The following OR7C1 variants were observed in gnomAD, a reference collection of about 807,000 sequenced individuals.
OR7C1 encodes olfactory receptor 7C1.
For synonymous variants in OR7C1, 152 were observed against 160.7 expected (o/e 0.95, Z 0.41); for missense variants, 324 against 383.3 (o/e 0.85, Z 1.29).
intron 2 of OR7C1, among the ~76,000 whole-genome samples, chr19:14,805,201 C>T (rs564337457): frequency 6.6e-6 from 1 of 151,740 alleles, no homozygotes; most frequent in African/African-American, 2.4e-5. Flanking sequence ...CAAAGAAGGT[C>T]CCCAGTCTGT....
At chr19:14,808,083 G>A (rs2044674072) in intron 2 of OR7C1, among the ~76,000 whole-genome samples, 1 of 140,222 alleles carries the variant, frequency 7.1e-6, no homozygotes, top group Non-Finnish European at 1.5e-5. Context: ...CAGTCAGAAT[G>A]GTTATTTTAA....
At position 14,800,298 on chromosome 19, in the gene OR7C1, A is replaced by G. The variant is rs1232476624; in HGVS notation, c.-56T>C. The G allele has an allele frequency of 5.2e-6, 4 of 771,108 alleles. No individual in the cohort carries two copies. The African/African-American group carries it at 7.0e-5, about 14-fold the overall frequency. The allele number at this position is 771,108 out of a possible 1,614,324, so 47.8% of individuals were successfully genotyped here. ...TTTCTGGGGCATCTGAAATTCTTCC[A>G]TCCTTTTCTTTGCTACCATCGGGAT... is the stretch of plus-strand genomic sequence containing the variant. On this transcript the variant is annotated 5_prime_UTR_variant, in exon 4 of 5. It removes an upstream start codon present in the reference 5' UTR. Transcript: ENST00000641666.
At position 14,819,252 on chromosome 19, in the gene OR7C1, C is replaced by CA. The variant is rs1222763106; in HGVS notation, c.-622-9260dup. 2.6e-5 allele frequency among the ~76,000 whole-genome samples: 4 copies of CA among 152,094 alleles called. No homozygotes were observed. The South Asian group carries it at 6.2e-4, about 24-fold the overall frequency. ...ATGTGCCATGGTGGTTTGCTGCACCCATCAACCCATCACCTAGGTATTAAG... is the reference window on the plus strand; with the variant it reads ...ATGTGCCATGGTGGTTTGCTGCACCCAATCAACCCATCACCTAGGTATTAAG... On this transcript the variant is annotated intron_variant, in intron 1 of 4. Transcript: ENST00000641666.
At chr19:14,807,167 C>T (rs193241756) in intron 2 of OR7C1, among the ~76,000 whole-genome samples, 3 of 151,814 alleles carry the variant, frequency 2.0e-5, no homozygotes, top group Admixed American at 1.3e-4. Context: ...GTTTGTTGGC[C>T]GCATAAATGT....
chr19:14,800,506 T>C (rs35360071), intron 3 of OR7C1, 27 bp downstream of exon 3: 27,956 of 181,336 alleles, frequency 0.15, 2,266 homozygotes, highest in Non-Finnish European at 0.18. Flanking sequence ...ATATTAGTGA[T>C]ATAGGAGTTA....
rs372783648 is a variant in OR7C1, at chr19:14,818,062, T to TTTTATTTATTTATTTATTTA, written c.-622-8089_-622-8070dup. On this transcript the variant is annotated intron_variant, in intron 1 of 4. Transcript: ENST00000641666. The stretch of plus-strand genomic sequence containing the variant: ...GTTAATAAGTCATACATTTTATTTA[T>TTTTATTTATTTATTTATTTA]TTTATTTATTTATTTATTTATTTAT... 7.7e-4 allele frequency among the ~76,000 whole-genome samples: 107 copies of TTTTATTTATTTATTTATTTA among 139,462 alleles called. 1 individual carries two copies. The highest frequency in any genetic ancestry group is 1.0e-3 in the East Asian group (5 of 4,768). 91.5% of individuals were successfully genotyped at this position (139,462 alleles called of 152,430 possible). A position where few individuals can be genotyped will look rare whatever the true frequency, so the allele number is the denominator to read the frequency against.
At chr19:14,814,649 T>C (rs2044707926) in intron 1 of OR7C1, among the ~76,000 whole-genome samples, 1 of 152,124 alleles carries the variant, frequency 6.6e-6, no homozygotes, top group Non-Finnish European at 1.5e-5. Context: ...GGTCTCGAAC[T>C]CCTGACCTCA....
chr19:14,800,069 A>G, exon 5 of OR7C1: 1 of 1,606,676 alleles, frequency 6.2e-7, no homozygotes, highest in Non-Finnish European at 8.5e-7. Flanking sequence ...AATGAACTGA[A>G]TCTCTGACGT....
chr19:14,805,458 C>T (rs1221696031), intron 2 of OR7C1, among the ~76,000 whole-genome samples: 1 of 144,614 alleles, frequency 6.9e-6, no homozygotes, highest in Non-Finnish European at 1.5e-5. Flanking sequence ...CTCTGTCACC[C>T]AGGCTGGAGT....
At chr19:14,805,366 T>A (rs1266413032) in intron 2 of OR7C1, among the ~76,000 whole-genome samples, 1 of 150,808 alleles carries the variant, frequency 6.6e-6, no homozygotes, top group Non-Finnish European at 1.5e-5. Context: ...ATGTCTCCCA[T>A]GATGGTCCAC....
chr19:14,832,615 C>T (rs182772500), intron 1 of OR7C1, among the ~76,000 whole-genome samples: 61 of 151,238 alleles, frequency 4.0e-4, no homozygotes, highest in African/African-American at 1.4e-3. Context: ...TTAATAGAGT[C>T]GGGGTTTCAC....
At chr19:14,827,603 C>T (rs2044783413) in intron 1 of OR7C1, 2 of 1,614,136 alleles carry the variant, frequency 1.2e-6, no homozygotes, top group Non-Finnish European at 1.7e-6. Flanking sequence ...AGTAAAGGAT[C>T]CCAGTCAGGG....
intron 1 of OR7C1, chr19:14,827,754 A>G (rs765206634): frequency 6.2e-7 from 1 of 1,614,146 alleles, no homozygotes; most frequent in Non-Finnish European, 8.5e-7. Context: ...CAGCCGTACT[A>G]CCATTAAGAT....
chr19:14,801,670 G>A (rs537410055), intron 2 of OR7C1, among the ~76,000 whole-genome samples: 12 of 152,246 alleles, frequency 7.9e-5, no homozygotes, highest in Non-Finnish European at 1.2e-4. Context: ...CCCGAGACTG[G>A]GTAATTTATG....
chr19:14,810,529 G>A (rs984664170), intron 1 of OR7C1, among the ~76,000 whole-genome samples: 8 of 149,728 alleles, frequency 5.3e-5, no homozygotes, highest in East Asian at 1.9e-4. Context: ...ACAGGCGCCC[G>A]CCACCATGCC....
chr19:14,799,805 T>C (rs575095255), exon 5 of OR7C1: 1 of 1,613,708 alleles, frequency 6.2e-7, no homozygotes, highest in Non-Finnish European at 8.5e-7. Flanking sequence ...GAGTAAATTG[T>C]CCAGGCATCC....
chr19:14,817,657 C>A (rs1178345741), intron 1 of OR7C1, among the ~76,000 whole-genome samples: 1 of 152,174 alleles, frequency 6.6e-6, no homozygotes, highest in Non-Finnish European at 1.5e-5. Flanking sequence ...CTTAGGCCAG[C>A]GCCAAGAGGT....
chr19:14,798,825 G>T, exon 5 of OR7C1: 1 of 189,124 alleles, frequency 5.3e-6, no homozygotes, highest in South Asian at 1.3e-4. Context: ...AAAAGGAAGA[G>T]GGAGCCTCCA....
intron 1 of OR7C1, chr19:14,826,174 G>A (rs1215629222): frequency 3.3e-5 from 5 of 152,158 alleles, no homozygotes; most frequent in Non-Finnish European, 7.4e-5. Flanking sequence ...GGTTTGGTGT[G>A]AGTCACCCTT....
Sources: gnomAD v4.1 joint callset for allele counts (sites outside exome capture counted in the v4.1 genomes callset) on GRCh38, gnomAD v4.1.1 for gene constraint, MANE v1.5 for transcripts, NCBI Gene and HGNC (gene_info 2026-07-23, HGNC 2026-07-21) for gene names.